ARFIP1: variants seen among roughly 807,000 people sequenced by gnomAD.
ARFIP1 encodes ARF interacting protein 1, also known as arfaptin-1.
A neutral mutation model predicts 42.5 loss-of-function variants in ARFIP1; 24 were observed. The ratio of observed to expected loss-of-function variants is 0.57; its 90% CI spans 0.41 to 0.80. The LOEUF is 0.80. Ranked by LOEUF, ARFIP1 falls within the 30% of genes least tolerant of loss-of-function variation. The pLI is 0.00. For missense variants in ARFIP1, 354 were observed against 434.0 expected (o/e 0.82, Z 1.64); for synonymous variants, 141 against 153.7 (o/e 0.92, Z 0.61).
chr4:152,823,645 C>T (rs554083129), intron 1 of ARFIP1, among the ~76,000 whole-genome samples: 110 of 151,646 alleles, frequency 7.3e-4, no homozygotes, highest in African/African-American at 2.4e-3. Context: ...TGGGCTGTGG[C>T]ATGTGCCTGT....
chr4:152,833,292 C>G lies in ARFIP1; in HGVS notation c.93+3566C>G, dbSNP rs559491577. ...GCCAACAGGTATGTGAAAAGGTGCT[C>G]AACATCACTAATCATCAGAGAAATG... On this transcript the variant is annotated intron_variant, in intron 2 of 8. Coordinates refer to ENST00000353617, the MANE Select transcript of ARFIP1 (RefSeq NM_001025595.3). 2.1e-4 allele frequency among the ~76,000 whole-genome samples: 32 copies of G among 150,320 alleles called. No homozygotes were observed. The South Asian group carries it at 6.1e-3, about 29-fold the overall frequency.
At chr4:152,906,729 G>A (rs954141205) in intron 8 of ARFIP1, among the ~76,000 whole-genome samples, 6 of 152,094 alleles carry the variant, frequency 3.9e-5, no homozygotes, top group African/African-American at 1.4e-4. Flanking sequence ...TCTTTTTAAT[G>A]ATATCTAAGG....
intron 1 of ARFIP1, among the ~76,000 whole-genome samples, chr4:152,808,055 A>G (rs1381910032): frequency 2.0e-5 from 3 of 152,042 alleles, no homozygotes; most frequent in South Asian, 2.1e-4. Context: ...ATCTTGGCTC[A>G]CTGCAGCCTC....
At chr4:152,823,160 A>G (rs897683970) in intron 1 of ARFIP1, among the ~76,000 whole-genome samples, 2 of 152,232 alleles carry the variant, frequency 1.3e-5, no homozygotes, top group Non-Finnish European at 2.9e-5. Context: ...AGATGAACCA[A>G]GAAAAGAACA....
At chr4:152,805,786 A>G (rs1728950454) in intron 1 of ARFIP1, among the ~76,000 whole-genome samples, 1 of 152,268 alleles carries the variant, frequency 6.6e-6, no homozygotes, top group Non-Finnish European at 1.5e-5. Flanking sequence ...ATCATCTTAC[A>G]GATGAAGGAA....
chr4:152,883,560 A>C (rs2149893686), intron 7 of ARFIP1, among the ~76,000 whole-genome samples: 1 of 151,990 alleles, frequency 6.6e-6, no homozygotes, highest in Middle Eastern at 3.4e-3. Context: ...TATTTTGATA[A>C]CTGTTCATAA....
intron 2 of ARFIP1, among the ~76,000 whole-genome samples, chr4:152,833,705 G>A (rs1354982402): frequency 6.6e-6 from 1 of 152,140 alleles, no homozygotes; most frequent in Non-Finnish European, 1.5e-5. Flanking sequence ...TATTAAAAAG[G>A]AAGAAATCCT....
chr4:152,804,131 TATATA>T (rs1457716452), intron 1 of ARFIP1, among the ~76,000 whole-genome samples: 21 of 122,228 alleles, frequency 1.7e-4, no homozygotes, highest in Non-Finnish European at 1.1e-4. Flanking sequence ...TTATATATTA[TATATA>T]ATATAACATG....
intron 2 of ARFIP1, among the ~76,000 whole-genome samples, chr4:152,842,747 A>G (rs1335770286): frequency 1.3e-5 from 2 of 152,134 alleles, no homozygotes; most frequent in Admixed American, 6.5e-5. Context: ...AAGTGTTTCC[A>G]TAAAAGTTTC....
At chr4:152,856,677 G>T (rs1733466851) in intron 2 of ARFIP1, among the ~76,000 whole-genome samples, 1 of 152,110 alleles carries the variant, frequency 6.6e-6, no homozygotes, top group African/African-American at 2.4e-5. Context: ...TGTGCCATTT[G>T]TATGTTGTTT....
chr4:152,808,616 T>C (rs1475137938), intron 1 of ARFIP1, among the ~76,000 whole-genome samples: 1 of 151,844 alleles, frequency 6.6e-6, no homozygotes, highest in Non-Finnish European at 1.5e-5. Context: ...TGTATAAGAG[T>C]CTAGTTGCTC....
At chr4:152,894,448 C>T (rs1737140978) in intron 8 of ARFIP1, among the ~76,000 whole-genome samples, 1 of 152,082 alleles carries the variant, frequency 6.6e-6, no homozygotes, top group Admixed American at 6.6e-5. Context: ...TCTCTTTTCC[C>T]ATTGTCAAAA....
intron 1 of ARFIP1, among the ~76,000 whole-genome samples, chr4:152,826,114 TCCCACTAC>T (rs1248848245): frequency 6.6e-6 from 1 of 152,146 alleles, no homozygotes; most frequent in Non-Finnish European, 1.5e-5. Context: ...AACCCAGCAT[TCCCACTAC>T]TGGGTATCTA....
At chr4:152,904,767 T>A (rs1208700195) in intron 8 of ARFIP1, among the ~76,000 whole-genome samples, 2 of 152,190 alleles carry the variant, frequency 1.3e-5, no homozygotes, top group Admixed American at 1.3e-4. Context: ...ATGGTGTATA[T>A]GTACATTTTC....
chr4:152,870,499 A>G (rs908197220), intron 3 of ARFIP1, among the ~76,000 whole-genome samples: 4 of 152,228 alleles, frequency 2.6e-5, no homozygotes, highest in African/African-American at 7.2e-5. Context: ...GTTAGATGTC[A>G]TCTACCAGAT....
At chr4:152,796,366 G>A in intron 1 of ARFIP1, 1 of 720,814 alleles carries the variant, frequency 1.4e-6, no homozygotes, top group South Asian at 1.6e-5. Context: ...TTCTTGTAAA[G>A]ACATCTCTAG....
chr4:152,905,197 G>A (rs1738209937), intron 8 of ARFIP1, among the ~76,000 whole-genome samples: 1 of 152,108 alleles, frequency 6.6e-6, no homozygotes, highest in African/African-American at 2.4e-5. Flanking sequence ...ATTCCTCTTA[G>A]GCAAATACCT....
At chr4:152,842,242 C>G (rs761338003) in intron 2 of ARFIP1, among the ~76,000 whole-genome samples, 1 of 151,486 alleles carries the variant, frequency 6.6e-6, no homozygotes, top group Non-Finnish European at 1.5e-5. Context: ...GATATAAACC[C>G]AAGCATTCGA....
At chr4:152,799,930 A>G (rs1731699464) in intron 1 of ARFIP1, among the ~76,000 whole-genome samples, 1 of 152,210 alleles carries the variant, frequency 6.6e-6, no homozygotes, top group Non-Finnish European at 1.5e-5. Context: ...TTAAGTCTGG[A>G]TGACGGTGAT....
Sources: allele counts gnomAD v4.1 joint callset (sites outside exome capture counted in the v4.1 genomes callset), GRCh38; gene constraint gnomAD v4.1.1; transcripts MANE v1.5; gene names NCBI Gene and HGNC (gene_info 2026-07-23, HGNC 2026-07-21).